FAM114A1: variants seen among roughly 807,000 people sequenced by gnomAD.
The protein encoded by FAM114A1 is protein NOXP20.
Under a neutral mutation model 64.3 loss-of-function variants are expected in FAM114A1, and 62 were observed. The observed-to-expected ratio is 0.96, with a 90% CI of 0.79 to 1.19. The LOEUF (loss-of-function observed/expected upper bound fraction) is 1.19, where lower values mean the gene tolerates loss of function less well. Ranked by LOEUF, FAM114A1 falls within the 50% of genes most tolerant of loss-of-function variation. The pLI is 0.00. For missense variants in FAM114A1, 645 were observed against 676.3 expected, an observed-to-expected ratio of 0.95 and a Z score of 0.51; for synonymous variants, 254 against 251.1, an observed-to-expected ratio of 1.01 and a Z score of -0.11.
At chr4:38,934,733 G>A (rs764657349) in intron 12 of FAM114A1, among the ~76,000 whole-genome samples, 5 of 152,130 alleles carry the variant, frequency 3.3e-5, no homozygotes, top group Non-Finnish European at 7.3e-5. Context: ...TTGGGATAAA[G>A]TTCTAGAAGT....
chr4:38,902,523 A>G (rs1035651205), intron 4 of FAM114A1, among the ~76,000 whole-genome samples: 1 of 152,214 alleles, frequency 6.6e-6, no homozygotes, highest in Non-Finnish European at 1.5e-5. Context: ...GGTATTTTCC[A>G]TTTGAGTATA....
Position 38,929,304 on chromosome 4 carries a change from G to T in FAM114A1, c.1132G>T (p.Val378Leu), listed in dbSNP as rs1720426634. 6.2e-7 allele frequency: 1 copy of T among 1,613,970 alleles called. No individual in the cohort carries two copies. Among genetic ancestry groups the T allele is most frequent in the Non-Finnish European group, 8.5e-7 (1 of 1,179,886 alleles). ...MLTELLFELH[V>L]AATPDKLNKA... ...TACAGAGCTTCTCTTTGAATTACAT[G>T]TGGCGGCCACACCTGACAAACTCAA... The change falls in exon 10 of 15, where the codon GTG becomes TTG. Residue 378 changes from valine to leucine, a missense_variant. Transcript: ENST00000358869.
chr4:38,905,921 T>A, intron 6 of FAM114A1, 60 bp downstream of exon 6: 1 of 1,460,934 alleles, frequency 6.8e-7, no homozygotes, highest in Non-Finnish European at 9.3e-7. Context: ...CTTTTGATAT[T>A]TCCATTTACC....
chr4:38,883,665 T>C (rs1376356463), intron 3 of FAM114A1, among the ~76,000 whole-genome samples: 2 of 152,228 alleles, frequency 1.3e-5, no homozygotes, highest in Admixed American at 6.5e-5. Flanking sequence ...CATAAAGTTA[T>C]GGTCAAGAGA....
At chr4:38,905,699 T>C in intron 5 of FAM114A1, 56 bp from the exon 6 acceptor site, 1 of 1,609,892 alleles carries the variant, frequency 6.2e-7, no homozygotes, top group Non-Finnish European at 8.5e-7. Context: ...AATCAGAGGT[T>C]TTCCAAGTTC....
intron 12 of FAM114A1, among the ~76,000 whole-genome samples, chr4:38,934,609 A>G (rs141177320): frequency 3.3e-4 from 50 of 152,338 alleles, no homozygotes; most frequent in Non-Finnish European, 5.7e-4. Context: ...GAAAAATATC[A>G]GACATTACCT....
At chr4:38,891,165 T>C (rs1002458284) in intron 3 of FAM114A1, among the ~76,000 whole-genome samples, 4 of 152,194 alleles carry the variant, frequency 2.6e-5, no homozygotes, top group African/African-American at 7.2e-5. Context: ...CCCTGTGTTA[T>C]AGGAGTCACT....
At chr4:38,918,076 T>G (rs1719245335) in intron 8 of FAM114A1, among the ~76,000 whole-genome samples, 1 of 151,068 alleles carries the variant, frequency 6.6e-6, no homozygotes, top group Non-Finnish European at 1.5e-5. Context: ...AATACAAAAT[T>G]AGCCGGGCAT....
intron 9 of FAM114A1, among the ~76,000 whole-genome samples, chr4:38,924,162 GAT>G (rs34238239): frequency 0.2 from 29,891 of 151,948 alleles, 3,135 homozygotes; most frequent in Middle Eastern, 0.3. Flanking sequence ...TGGAGACAAT[GAT>G]ATATATATCA....
chr4:38,883,397 T>A (rs1406985624), intron 3 of FAM114A1, among the ~76,000 whole-genome samples: 1 of 152,036 alleles, frequency 6.6e-6, no homozygotes, highest in East Asian at 1.9e-4. Flanking sequence ...TTATGGGACC[T>A]TATTATATAC....
chr4:38,917,069 C>T (rs4833105), intron 8 of FAM114A1, among the ~76,000 whole-genome samples: 19,365 of 151,634 alleles, frequency 0.13, 1,637 homozygotes, highest in East Asian at 0.4. Flanking sequence ...TTTGGGAGGC[C>T]GAGGTGGGCA....
chr4:38,941,056 C>A, intron 14 of FAM114A1, 35 bp downstream of exon 14: 15 of 1,498,260 alleles, frequency 1.0e-5, no homozygotes, highest in Admixed American at 1.8e-5. Context: ...GCTTCTGAAT[C>A]AAAGTAAATG....
intron 2 of FAM114A1, among the ~76,000 whole-genome samples, chr4:38,869,488 G>A (rs1713801312): frequency 1.3e-5 from 2 of 152,182 alleles, no homozygotes; most frequent in Non-Finnish European, 2.9e-5. Flanking sequence ...GGTGGAGAGA[G>A]ATTGGAGCTG....
At chr4:38,900,513 G>A (rs767428990) in intron 4 of FAM114A1, among the ~76,000 whole-genome samples, 4 of 152,150 alleles carry the variant, frequency 2.6e-5, no homozygotes, top group East Asian at 1.9e-4. Context: ...GTCGACAGAC[G>A]AATGGAAAAG....
chr4:38,944,783 G>A lies in FAM114A1; in HGVS notation c.*1226G>A, dbSNP rs1204345088. On this transcript the variant is annotated 3_prime_UTR_variant, in exon 15 of 15. Transcript: ENST00000358869. ...TGATGAATCTAATGCCTCATGATCT[G>A]AGGTTGAATAGCTTCGTGCCGAAAC... 2 of 151,928 alleles carry A rather than the reference G, an allele frequency of 1.3e-5. No homozygotes were observed. Among genetic ancestry groups the A allele is most frequent in the African/African-American group, 4.8e-5 (2 of 41,350 alleles). 9.4% of individuals were successfully genotyped at this position (151,928 alleles called of 1,614,324 possible). A position where few individuals can be genotyped will look rare whatever the true frequency, so the allele number is the denominator to read the frequency against.
intron 8 of FAM114A1, among the ~76,000 whole-genome samples, chr4:38,918,438 G>A (rs958914653): frequency 2.0e-5 from 3 of 152,148 alleles, no homozygotes; most frequent in Non-Finnish European, 2.9e-5. Context: ...AACAAATGGA[G>A]GCTTAGACTG....
At chr4:38,879,406 C>T (rs1714986682) in intron 3 of FAM114A1, among the ~76,000 whole-genome samples, 2 of 152,228 alleles carry the variant, frequency 1.3e-5, no homozygotes, top group Admixed American at 1.3e-4. Context: ...ATCATTAACT[C>T]CATGAGCTTG....
chr4:38,942,350 C>T (rs1721640934), intron 14 of FAM114A1, among the ~76,000 whole-genome samples: 2 of 152,100 alleles, frequency 1.3e-5, no homozygotes, highest in Non-Finnish European at 2.9e-5. Context: ...AGGATGCGGC[C>T]GCACAGTGGG....
chr4:38,927,592 T>C (rs1720240800), intron 9 of FAM114A1, among the ~76,000 whole-genome samples: 1 of 152,338 alleles, frequency 6.6e-6, no homozygotes, highest in Non-Finnish European at 1.5e-5. Context: ...GCACCTCCTG[T>C]TTAAAACTCC....
Sources: gnomAD v4.1 joint callset for allele counts (sites outside exome capture counted in the v4.1 genomes callset) on GRCh38, gnomAD v4.1.1 for gene constraint, MANE v1.5 for transcripts, NCBI Gene and HGNC (gene_info 2026-07-23, HGNC 2026-07-21) for gene names.